Variants in KIF16B observed in about 807,000 individuals in gnomAD.
KIF16B encodes kinesin-like protein KIF16B.
Under a neutral mutation model 156.3 loss-of-function variants are expected in KIF16B, and 98 were observed. The observed-to-expected ratio is 0.63, with a 90% CI of 0.53 to 0.74. KIF16B has a LOEUF of 0.74. Among genes scored for constraint, KIF16B ranks in the 30% least tolerant of loss-of-function variants. The pLI, the probability that KIF16B is intolerant of heterozygous loss-of-function variation, is 0.00. For missense variants in KIF16B, 1,421 were observed against 1,606.5 expected (o/e 0.88, Z 1.97); for synonymous variants, 564 against 583.7 (o/e 0.97, Z 0.49).
intron 12 of KIF16B, among the ~76,000 whole-genome samples, chr20:16,437,007 C>T (rs1184978935): frequency 6.6e-6 from 1 of 152,100 alleles, no homozygotes; most frequent in Non-Finnish European, 1.5e-5. Flanking sequence ...CGTAAAATGG[C>T]GTAGTACTTG....
At chr20:16,390,330 G>A (rs964457010) in intron 17 of KIF16B, among the ~76,000 whole-genome samples, 5 of 152,118 alleles carry the variant, frequency 3.3e-5, no homozygotes, top group African/African-American at 9.6e-5. Context: ...GTTTCTCCCC[G>A]GCCTATTTCT....
intron 3 of KIF16B, among the ~76,000 whole-genome samples, chr20:16,522,486 T>G (rs975960085): frequency 6.6e-6 from 1 of 152,162 alleles, no homozygotes. Flanking sequence ...TAAATATATA[T>G]GCACCCAATA....
intron 15 of KIF16B, among the ~76,000 whole-genome samples, chr20:16,419,840 T>C (rs1390710502): frequency 4.6e-5 from 7 of 152,298 alleles, no homozygotes; most frequent in South Asian, 2.1e-4. Context: ...CTGACTGTTG[T>C]ATCATTTCAT....
At chr20:16,359,234 G>A (rs1343013422) in intron 22 of KIF16B, among the ~76,000 whole-genome samples, 5 of 152,292 alleles carry the variant, frequency 3.3e-5, no homozygotes, top group Middle Eastern at 3.4e-3. Context: ...GGTAGGCCCC[G>A]TGGGAGGTGT....
intron 23 of KIF16B, among the ~76,000 whole-genome samples, chr20:16,355,510 G>T (rs1430102740): frequency 6.6e-6 from 1 of 152,040 alleles, no homozygotes; most frequent in Admixed American, 6.6e-5. Context: ...ACCACCTACA[G>T]CCTCCAAGAA....
intron 12 of KIF16B, among the ~76,000 whole-genome samples, chr20:16,431,980 AG>A (rs2066516555): frequency 6.6e-6 from 1 of 151,010 alleles, no homozygotes. Flanking sequence ...AATGTAACCC[AG>A]CACCTAATTT....
intron 1 of KIF16B, among the ~76,000 whole-genome samples, chr20:16,567,808 C>T (rs982388138): frequency 2.0e-5 from 3 of 152,062 alleles, no homozygotes; most frequent in African/African-American, 2.4e-5. Flanking sequence ...CAAAATTAGC[C>T]GGGCGTGGTG....
intron 12 of KIF16B, among the ~76,000 whole-genome samples, chr20:16,482,780 T>C (rs1294670615): frequency 1.3e-5 from 2 of 152,202 alleles, no homozygotes; most frequent in African/African-American, 4.8e-5. Flanking sequence ...GCCTTGAATA[T>C]ATATGACACT....
At position 16,379,055 on chromosome 20, in the gene KIF16B, C is replaced by T. The variant is rs750598241; in HGVS notation, c.2947G>A (p.Glu983Lys). ...TTTTCCTTTTTCCTCACTTTTTCCT[C>T]CTGACGTGCAATGTTGGCAGTGAAT... ...FEFTANIARQEEKVRKKEKEI... is the reference protein window; with the variant it reads ...FEFTANIARQKEKVRKKEKEI... The change falls in exon 19 of 26, where the codon GAG becomes AAG. Residue 983 changes from glutamate (E) to lysine (K), a missense_variant. By Grantham distance (56) the Glu-to-Lys change is moderately conservative. Transcript: ENST00000354981. 17 of 1,611,260 alleles carry T rather than the reference C, an allele frequency of 1.1e-5. No individual in the cohort carries two copies. The highest frequency in any genetic ancestry group is 1.4e-5 in the Non-Finnish European group (16 of 1,178,456).
chr20:16,387,546 C>T lies in KIF16B; in HGVS notation c.1785-5799G>A, dbSNP rs73898705. On this transcript the variant is annotated intron_variant, in intron 17 of 25. Coordinates refer to ENST00000354981, the MANE Select transcript of KIF16B (RefSeq NM_024704.5). ...AAAGAAATCAAAGAAAGTCTCCATG[C>T]TGAAGAAGGGAGTGCTATTTAAGTA... Among the ~76,000 whole-genome samples, 1,227 of 152,218 alleles carry T rather than the reference C, an allele frequency of 8.1e-3. 8 individuals are homozygous for T. The highest frequency in any genetic ancestry group is 0.051 in the Middle Eastern group (15 of 294).
intron 15 of KIF16B, among the ~76,000 whole-genome samples, chr20:16,407,804 T>C (rs1299314885): frequency 2.0e-5 from 3 of 152,152 alleles, no homozygotes; most frequent in Admixed American, 2.0e-4. Context: ...GATGTATTTT[T>C]TTGTGTTCCC....
intron 12 of KIF16B, among the ~76,000 whole-genome samples, chr20:16,480,922 C>T (rs981762445): frequency 6.6e-6 from 1 of 152,128 alleles, no homozygotes; most frequent in Non-Finnish European, 1.5e-5. Context: ...TATGAGTGTA[C>T]AACTTGGGGG....
At chr20:16,427,417 C>T (rs562984141) in intron 14 of KIF16B, among the ~76,000 whole-genome samples, 176 bp from the exon 15 acceptor site, 89 of 152,210 alleles carry the variant, frequency 5.8e-4, no homozygotes, top group Non-Finnish European at 5.6e-4. Context: ...GAGCTCATGA[C>T]GTTCAATGAT....
At chr20:16,341,869 G>A (rs891278158) in intron 23 of KIF16B, among the ~76,000 whole-genome samples, 9 of 152,154 alleles carry the variant, frequency 5.9e-5, no homozygotes, top group African/African-American at 2.2e-4. Flanking sequence ...CCCTTAGTGC[G>A]GCATTTAGGG....
chr20:16,295,217 G>A (rs1464796640), intron 25 of KIF16B, among the ~76,000 whole-genome samples: 6 of 152,098 alleles, frequency 3.9e-5, no homozygotes, highest in Admixed American at 2.6e-4. Flanking sequence ...CATATCCCCC[G>A]GGCCAGACCA....
intron 11 of KIF16B, among the ~76,000 whole-genome samples, chr20:16,496,818 T>G (rs2068464547): frequency 6.6e-6 from 1 of 152,198 alleles, no homozygotes; most frequent in East Asian, 1.9e-4. Flanking sequence ...ATCAGGATAT[T>G]CATCAGCATA....
intron 24 of KIF16B, among the ~76,000 whole-genome samples, chr20:16,321,750 CA>C (rs1187866589): frequency 1.3e-5 from 2 of 151,774 alleles, no homozygotes; most frequent in Non-Finnish European, 2.9e-5. Context: ...ATTATTTTTT[CA>C]AGAGGTTGTA....
At chr20:16,296,517 T>G (rs983152827) in intron 25 of KIF16B, among the ~76,000 whole-genome samples, 3 of 152,206 alleles carry the variant, frequency 2.0e-5, no homozygotes, top group Non-Finnish European at 4.4e-5. Context: ...TGCTACTTTC[T>G]TCTGATGCTA....
chr20:16,328,102 C>T (rs961242720), intron 24 of KIF16B, among the ~76,000 whole-genome samples: 1 of 152,192 alleles, frequency 6.6e-6, no homozygotes, highest in African/African-American at 2.4e-5. Context: ...AATGGTTCAT[C>T]AGCACTAACT....
Sources: allele counts gnomAD v4.1 joint callset (sites outside exome capture counted in the v4.1 genomes callset), GRCh38; gene constraint gnomAD v4.1.1; transcripts MANE v1.5; gene names NCBI Gene and HGNC (gene_info 2026-07-23, HGNC 2026-07-21).